PLEKHG3: variants seen among roughly 807,000 people sequenced by gnomAD.
PLEKHG3 encodes the protein pleckstrin homology and RhoGEF domain containing G3.
A neutral mutation model predicts 94.9 loss-of-function variants in PLEKHG3; 62 were observed. That is an observed-to-expected ratio of 0.65 (90% CI 0.53 to 0.81). The LOEUF is 0.81. Ranked by LOEUF, PLEKHG3 falls within the 30% of genes least tolerant of loss-of-function variation. The pLI is 0.00. For missense variants in PLEKHG3, 1,461 were observed against 1,619.3 expected (o/e 0.90, Z 1.68); for synonymous variants, 614 against 654.0 (o/e 0.94, Z 0.93).
rs1192062019 is a variant in PLEKHG3, at chr14:64,730,123, G to T, written c.450-120G>T. ...ACTCCCTCTGAGGCTAGAAGCCCCA[G>T]TTCTTTAGCAAAGCAATAGGGCTGG... On this transcript the variant is annotated intron_variant, in intron 3 of 16. Coordinates refer to ENST00000247226, the MANE Select transcript of PLEKHG3 (RefSeq NM_001308147.2). The surrounding 1 kb of genome is among the most constrained non-coding windows in gnomAD (Gnocchi z 5.4). 3.5e-5 allele frequency: 22 copies of T among 630,458 alleles called. No individual in the cohort carries two copies. The East Asian group carries it at 4.9e-4, about 14-fold the overall frequency. 39.1% of individuals were successfully genotyped at this position (630,458 alleles called of 1,614,324 possible). A position where few individuals can be genotyped will look rare whatever the true frequency, so the allele number is the denominator to read the frequency against.
At chr14:64,736,675 G>A (rs2081576123) in intron 12 of PLEKHG3, among the ~76,000 whole-genome samples, 178 bp from the exon 13 acceptor site, 1 of 152,198 alleles carries the variant, frequency 6.6e-6, no homozygotes, top group African/African-American at 2.4e-5. Context: ...CTGTCCGTAG[G>A]TGCAAGGGGG....
rs142094765 is a variant in PLEKHG3, at chr14:64,743,145, C to T, written c.3102C>T (p.Ser1034=). The part of the protein sequence containing the change: ...QRTTSPGGRP[S]ARSPLSPTET... ...CCACCTCGCCTGGGGGCCGGCCCTC[C>T]GCCCGGAGCCCCCTCAGCCCCACAG... The change falls in exon 17 of 17, where the codon TCC becomes TCT. Residue 1034 remains serine, a synonymous_variant. Transcript: ENST00000247226. The surrounding 1 kb of genome is among the most constrained non-coding windows in gnomAD (Gnocchi z 7.2). 3.4e-5 allele frequency: 55 copies of T among 1,611,422 alleles called. No homozygotes were observed. The African/African-American group carries it at 4.3e-4, about 12-fold the overall frequency.
At position 64,722,289 on chromosome 14, in the gene PLEKHG3, A is replaced by G. The variant is rs1184663666; in HGVS notation, c.-39-5304A>G. Among the ~76,000 whole-genome samples the G allele has an allele frequency of 6.6e-6, 1 of 152,074 alleles. No homozygotes were observed. Among genetic ancestry groups the G allele is most frequent in the Non-Finnish European group, 1.5e-5 (1 of 68,014 alleles). On this transcript the variant is annotated intron_variant, in intron 1 of 16. Transcript: ENST00000247226. The surrounding 1 kb of genome is among the most constrained non-coding windows in gnomAD (Gnocchi z 4.3). The stretch of plus-strand genomic sequence containing the variant: ...GAGTGCAGTGGTGCGATCTCAGCTC[A>G]CTGCAACCTCCTGGGTTCAAGCAAT...
chr14:64,720,857 T>C lies in PLEKHG3; in HGVS notation c.-39-6736T>C, dbSNP rs1174348693. On this transcript the variant is annotated intron_variant, in intron 1 of 16. Coordinates refer to ENST00000247226, the MANE Select transcript of PLEKHG3 (RefSeq NM_001308147.2). This position sits in a 1 kb window ranked among gnomAD's most constrained non-coding sequence, Gnocchi z 4.1. ...TTCCCAGGCTGCCTGTATCCTTGGC[T>C]TGTGGCCCCTTCCTCCATCTTCAAA... Among the ~76,000 whole-genome samples, 1 of 152,188 alleles carries C rather than the reference T, an allele frequency of 6.6e-6. No individual in the cohort carries two copies. The highest frequency in any genetic ancestry group is 1.5e-5 in the Non-Finnish European group (1 of 68,018).
rs917728426 is a variant in PLEKHG3, at chr14:64,720,208, C to T, written c.-39-7385C>T. On this transcript the variant is annotated intron_variant, in intron 1 of 16. Transcript: ENST00000247226. The surrounding 1 kb of genome is among the most constrained non-coding windows in gnomAD (Gnocchi z 4.1). ...TTCTAAACTTGGCTACTTTCCCCTT[C>T]CTCCCAGTCTCTTGTGGCTGGTCAC... Among the ~76,000 whole-genome samples the T allele has an allele frequency of 6.6e-6, 1 of 152,272 alleles. No homozygotes were observed. The highest frequency in any genetic ancestry group is 2.4e-5 in the African/African-American group (1 of 41,468).
At chr14:64,711,779 A>C (rs2139360636) in intron 1 of PLEKHG3, among the ~76,000 whole-genome samples, 1 of 152,202 alleles carries the variant, frequency 6.6e-6, no homozygotes. Flanking sequence ...ATTTTTTCCC[A>C]TTCTGTGATT....
rs748832690 is a variant in PLEKHG3, at chr14:64,749,412, C to T, written c.*5709C>T. ...CAGGGGCAGGCTCTGCGCCTTGACGCGGATGCTCTGGGACTCGTTGATGGC... is the reference window on the plus strand; with the variant it reads ...CAGGGGCAGGCTCTGCGCCTTGACGTGGATGCTCTGGGACTCGTTGATGGC... On this transcript the variant is annotated 3_prime_UTR_variant, in exon 17 of 17. Transcript: ENST00000247226. The surrounding 1 kb of genome is among the most constrained non-coding windows in gnomAD (Gnocchi z 4.7). 7 of 1,607,380 alleles carry T rather than the reference C, an allele frequency of 4.4e-6. No individual in the cohort carries two copies. Among genetic ancestry groups the T allele is most frequent in the South Asian group, 3.3e-5 (3 of 91,010 alleles).
rs368532779 is a variant in PLEKHG3, at chr14:64,737,322, C to G, written c.1385-34C>G. The G allele has an allele frequency of 1.9e-6, 3 of 1,592,576 alleles. No individual in the cohort carries two copies. The South Asian group carries it at 3.4e-5, about 18-fold the overall frequency. The stretch of plus-strand genomic sequence containing the variant: ...CCCCTCCCCTCCCCTGCCCCTCGCC[C>G]GTGTGCTGGGGGACCCGGTGGTGAT... On this transcript the variant is annotated intron_variant, in intron 13 of 16. Transcript: ENST00000247226.
chr14:64,741,470 G>A lies in PLEKHG3; in HGVS notation c.1953G>A (p.Leu651=). The change falls in exon 16 of 17, where the codon CTG becomes CTA. Residue 651 remains leucine, a synonymous_variant. Coordinates refer to ENST00000247226, the MANE Select transcript of PLEKHG3 (RefSeq NM_001308147.2). ...GCCTGGAGGGCAGCGAGAAGGGCCT[G>A]GCCCGGCATGGCAGTGCCACAGACT... ...VLSLEGSEKG[L]ARHGSATDSL... is the part of the protein sequence containing the mutation. 6.2e-7 allele frequency: 1 copy of A among 1,612,780 alleles called. No homozygotes were observed. The highest frequency in any genetic ancestry group is 1.1e-5 in the South Asian group (1 of 91,082).
chr14:64,709,220 C>T (rs530354574), intron 1 of PLEKHG3, among the ~76,000 whole-genome samples: 12 of 152,264 alleles, frequency 7.9e-5, no homozygotes, highest in East Asian at 1.9e-4. Flanking sequence ...GGGCTTCAGC[C>T]GTGGTCCCAC....
rs1029245006 is a variant in PLEKHG3, at chr14:64,745,514, G to A, written c.*1811G>A. The stretch of plus-strand genomic sequence containing the variant: ...CTTGCTCTGTCGCCCAGGCTGGAGC[G>A]CAGTGGTGCAATCTTGGCTCACTGC... On this transcript the variant is annotated 3_prime_UTR_variant, in exon 17 of 17. Transcript: ENST00000247226. This position sits in a 1 kb window ranked among gnomAD's most constrained non-coding sequence, Gnocchi z 5.0. The A allele has an allele frequency of 1.2e-4, 19 of 152,482 alleles. No homozygotes were observed. Among genetic ancestry groups the A allele is most frequent in the South Asian group, 2.1e-4 (1 of 4,836 alleles). 9.4% of individuals were successfully genotyped at this position (152,482 alleles called of 1,614,324 possible).
At position 64,726,524 on chromosome 14, in the gene PLEKHG3, T is replaced by A. The variant is rs2081356548; in HGVS notation, c.-39-1069T>A. Among the ~76,000 whole-genome samples the A allele has an allele frequency of 6.6e-6, 1 of 152,164 alleles. No individual in the cohort carries two copies. The highest frequency in any genetic ancestry group is 6.5e-5 in the Admixed American group (1 of 15,286). On this transcript the variant is annotated intron_variant, in intron 1 of 16. Transcript: ENST00000247226. The surrounding 1 kb of genome is among the most constrained non-coding windows in gnomAD (Gnocchi z 5.1). ...CCTGTCCTTCCCAAAGGCTGCAGCC[T>A]GAAGTAGTCTGGCCACTCCACCCTT...
Position 64,728,252 on chromosome 14 carries a change from A to T in PLEKHG3, c.351+270A>T, listed in dbSNP as rs2081391761. On this transcript the variant is annotated intron_variant, in intron 2 of 16. Coordinates refer to ENST00000247226, the MANE Select transcript of PLEKHG3 (RefSeq NM_001308147.2). This position sits in a 1 kb window ranked among gnomAD's most constrained non-coding sequence, Gnocchi z 5.9. ...TGGCTCTAGAGAGCCTGTGCCACAG[A>T]GACTGAATGGAGTGAAGACATGGGC... Among the ~76,000 whole-genome samples, 1 of 152,208 alleles carries T rather than the reference A, an allele frequency of 6.6e-6. No individual in the cohort carries two copies.
In PLEKHG3 at chr14:64,730,788, C is replaced by T; in HGVS notation, c.567-11C>T. 1.9e-6 allele frequency: 3 copies of T among 1,612,748 alleles called. No individual in the cohort carries two copies. Among genetic ancestry groups the T allele is most frequent in the Non-Finnish European group, 2.5e-6 (3 of 1,179,046 alleles). ...TCCCCAGGTGGTGACTGGCCCTTCT[C>T]CCACTCCCAGCTCCGTGGCCGCCCT... On this transcript the variant is annotated splice_polypyrimidine_tract_variant and intron_variant, in intron 5 of 16. Coordinates refer to ENST00000247226, the MANE Select transcript of PLEKHG3 (RefSeq NM_001308147.2). The surrounding 1 kb of genome is among the most constrained non-coding windows in gnomAD (Gnocchi z 5.4).
At chr14:64,719,787 C>G (rs546712271) in intron 1 of PLEKHG3, among the ~76,000 whole-genome samples, 1 of 152,186 alleles carries the variant, frequency 6.6e-6, no homozygotes, top group South Asian at 2.1e-4. Flanking sequence ...TCAAAACAAG[C>G]AGCCCCTGAA....
In PLEKHG3 at chr14:64,748,268, A is replaced by G. The variant is rs930470501; in HGVS notation, c.*4565A>G. The stretch of plus-strand genomic sequence containing the variant: ...AAGTCCCAGCTGCAGACAGGATGCA[A>G]TTGAGCATTTGGCTTTGGGATGCTT... On this transcript the variant is annotated 3_prime_UTR_variant, in exon 17 of 17. Coordinates refer to ENST00000247226, the MANE Select transcript of PLEKHG3 (RefSeq NM_001308147.2). The G allele has an allele frequency of 8.6e-5, 13 of 151,664 alleles. No individual in the cohort carries two copies. The highest frequency in any genetic ancestry group is 2.9e-4 in the African/African-American group (12 of 41,026). 9.4% of individuals were successfully genotyped at this position (151,664 alleles called of 1,614,324 possible).
rs1161410434 is a variant in PLEKHG3 at position 64,726,118 on chromosome 14, T to C, written c.-39-1475T>C. On this transcript the variant is annotated intron_variant, in intron 1 of 16. Coordinates refer to ENST00000247226, the MANE Select transcript of PLEKHG3 (RefSeq NM_001308147.2). This position sits in a 1 kb window ranked among gnomAD's most constrained non-coding sequence, Gnocchi z 5.1. ...AAAGATTGGATGTAAATTACATAGG[T>C]TGGGGGATGGTACTGTATGGGGTGG... Among the ~76,000 whole-genome samples, 2 of 151,804 alleles carry C rather than the reference T, an allele frequency of 1.3e-5. No individual in the cohort carries two copies. Among genetic ancestry groups the C allele is most frequent in the African/African-American group, 4.9e-5 (2 of 41,234 alleles).
At position 64,749,735 on chromosome 14, in the gene PLEKHG3, T is replaced by TGGAG. The variant is rs775546017; in HGVS notation, c.*6035_*6038dup. The TGGAG allele has an allele frequency of 6.2e-6, 10 of 1,608,562 alleles. No homozygotes were observed. The South Asian group carries it at 1.1e-4, about 18-fold the overall frequency. ...GGGTTTCCTGTCATGGAGACACCTC[T>TGGAG]GGAGGGGGCGCTGGGCAGAGGGCTG... is the stretch of plus-strand genomic sequence containing the variant. On this transcript the variant is annotated 3_prime_UTR_variant, in exon 17 of 17. Coordinates refer to ENST00000247226, the MANE Select transcript of PLEKHG3 (RefSeq NM_001308147.2). This position sits in a 1 kb window ranked among gnomAD's most constrained non-coding sequence, Gnocchi z 4.7.
At position 64,747,153 on chromosome 14, in the gene PLEKHG3, T is replaced by C. The variant is rs983395395; in HGVS notation, c.*3450T>C. ...CCTTCCTTTCTCGGGTCTGTGGAGTTGCTTGCTGGAAATGCCTCACTTCAG... is the reference window on the plus strand; with the variant it reads ...CCTTCCTTTCTCGGGTCTGTGGAGTCGCTTGCTGGAAATGCCTCACTTCAG... On this transcript the variant is annotated 3_prime_UTR_variant, in exon 17 of 17. Transcript: ENST00000247226. The C allele has an allele frequency of 6.6e-6, 1 of 152,474 alleles. No homozygotes were observed. The highest frequency in any genetic ancestry group is 2.4e-5 in the African/African-American group (1 of 41,416). 9.4% of individuals were successfully genotyped at this position (152,474 alleles called of 1,614,324 possible).
Sources: allele counts gnomAD v4.1 joint callset (sites outside exome capture counted in the v4.1 genomes callset), GRCh38; gene constraint gnomAD v4.1.1; non-coding constraint Gnocchi (gnomAD v3.1); transcripts MANE v1.5; gene names NCBI Gene and HGNC (gene_info 2026-07-23, HGNC 2026-07-21).